The following THAP4 variants were observed in gnomAD, a reference collection of about 807,000 sequenced individuals.
THAP4 encodes peroxynitrite isomerase THAP4.
Under a neutral mutation model 48.1 loss-of-function variants are expected in THAP4, and 18 were observed. The ratio of observed to expected loss-of-function variants is 0.37; its 90% CI spans 0.26 to 0.56. The LOEUF (loss-of-function observed/expected upper bound fraction) is 0.56, where lower values mean the gene tolerates loss of function less well. Among genes scored for constraint, THAP4 ranks in the 20% least tolerant of loss-of-function variants. THAP4 has a pLI of 0.78. For missense variants in THAP4, 656 were observed against 774.9 expected, an observed-to-expected ratio of 0.85 and a Z score of 1.82; for synonymous variants, 345 against 324.9, an observed-to-expected ratio of 1.06 and a Z score of -0.66.
chr2:241,606,939 G>A (rs949205878), intron 2 of THAP4, among the ~76,000 whole-genome samples: 4 of 152,188 alleles, frequency 2.6e-5, no homozygotes, highest in African/African-American at 9.7e-5. Flanking sequence ...GGGAGGCACG[G>A]TGCCCTGGCG....
intron 5 of THAP4, among the ~76,000 whole-genome samples, chr2:241,592,443 G>A (rs149239219): frequency 2.9e-4 from 44 of 152,240 alleles, no homozygotes; most frequent in South Asian, 1.0e-3. Context: ...CTCAGTCACC[G>A]GACATGAGTG....
In THAP4 at chr2:241,610,495, CAA is replaced by C. The variant is rs1438479476; in HGVS notation, c.1241-4024_1241-4023del. On this transcript the variant is annotated intron_variant, in intron 2 of 5. Coordinates refer to ENST00000407315, the MANE Select transcript of THAP4 (RefSeq NM_015963.6). The surrounding 1 kb of genome is among the most constrained non-coding windows in gnomAD (Gnocchi z 4.2). ...CCTAGCAGGCGTCACAGGGCTCACT[CAA>C]GAGCTCCAGCAAGAGCAGAGGCGGG... Among the ~76,000 whole-genome samples the C allele has an allele frequency of 7.2e-5, 11 of 152,188 alleles. No homozygotes were observed. The highest frequency in any genetic ancestry group is 2.7e-4 in the African/African-American group (11 of 41,450).
chr2:241,613,145 C>T (rs994188049), intron 2 of THAP4, among the ~76,000 whole-genome samples: 5 of 152,054 alleles, frequency 3.3e-5, no homozygotes, highest in African/African-American at 1.2e-4. Flanking sequence ...GAGTTTTCAA[C>T]CCTTGGCACC....
intron 2 of THAP4, among the ~76,000 whole-genome samples, chr2:241,606,864 C>T (rs1405692080): frequency 6.6e-6 from 1 of 152,214 alleles, no homozygotes; most frequent in East Asian, 1.9e-4. Context: ...CTAACAGCTT[C>T]CTTGTGACCC....
At chr2:241,602,429 T>C (rs2067126954) in intron 4 of THAP4, among the ~76,000 whole-genome samples, 1 of 151,632 alleles carries the variant, frequency 6.6e-6, no homozygotes. Context: ...CAGTGGCGCA[T>C]TCTTGGCTCA....
intron 2 of THAP4, among the ~76,000 whole-genome samples, chr2:241,619,267 G>C (rs141185925): frequency 1.3e-5 from 2 of 152,308 alleles, no homozygotes; most frequent in East Asian, 3.9e-4. Context: ...ATTAAACACA[G>C]CCCGAGTGCC....
chr2:241,590,202 C>T (rs1392070903), intron 5 of THAP4, among the ~76,000 whole-genome samples: 1 of 138,688 alleles, frequency 7.2e-6, no homozygotes, highest in Admixed American at 7.5e-5. Flanking sequence ...GGCACTAGGA[C>T]ACACAGAGCT....
intron 2 of THAP4, among the ~76,000 whole-genome samples, chr2:241,619,658 A>G (rs1034627682): frequency 6.6e-5 from 10 of 152,176 alleles, no homozygotes; most frequent in Admixed American, 2.0e-4. Flanking sequence ...GCTCTGGGTG[A>G]GTTGGTGAGT....
In THAP4 at chr2:241,610,371, G is replaced by C. The variant is rs1316935823; in HGVS notation, c.1241-3898C>G. Among the ~76,000 whole-genome samples the C allele has an allele frequency of 6.6e-6, 1 of 152,186 alleles. No individual in the cohort carries two copies. The highest frequency in any genetic ancestry group is 1.5e-5 in the Non-Finnish European group (1 of 68,022). On this transcript the variant is annotated intron_variant, in intron 2 of 5. Transcript: ENST00000407315. The surrounding 1 kb of genome is among the most constrained non-coding windows in gnomAD (Gnocchi z 4.2). ...GGGCCGCGCTCGCCCCCCAGCGCCAGGGTCACGCCACCGCGCCCTGTTTGG... is the reference window on the plus strand; with the variant it reads ...GGGCCGCGCTCGCCCCCCAGCGCCACGGTCACGCCACCGCGCCCTGTTTGG...
At position 241,610,879 on chromosome 2, in the gene THAP4, G is replaced by A. The variant is rs2067264104; in HGVS notation, c.1241-4406C>T. Among the ~76,000 whole-genome samples, 1 of 151,896 alleles carries A rather than the reference G, an allele frequency of 6.6e-6. No individual in the cohort carries two copies. On this transcript the variant is annotated intron_variant, in intron 2 of 5. Transcript: ENST00000407315. The surrounding 1 kb of genome is among the most constrained non-coding windows in gnomAD (Gnocchi z 4.2). ...AGAGAGACACGGGGATGGGGCCAGA[G>A]ACGGGGCCAGAGACAGAGACACAGA... is the stretch of plus-strand genomic sequence containing the variant.
rs1263423258 is a variant in THAP4, at chr2:241,601,315, T to C, written c.1614+581A>G. On this transcript the variant is annotated intron_variant, in intron 5 of 5. Transcript: ENST00000407315. The surrounding 1 kb of genome is among the most constrained non-coding windows in gnomAD (Gnocchi z 4.0). The stretch of plus-strand genomic sequence containing the variant: ...TCCACAGAAAAACAGGCAAAGACTT[T>C]AAATATCAAGTGCACAGAATAAGAA... Among the ~76,000 whole-genome samples the C allele has an allele frequency of 6.6e-6, 1 of 152,108 alleles. No individual in the cohort carries two copies. The highest frequency in any genetic ancestry group is 1.5e-5 in the Non-Finnish European group (1 of 68,010).
rs1311349116 is a variant in THAP4, at chr2:241,616,449, C to T, written c.1241-9976G>A. Among the ~76,000 whole-genome samples, 1 of 152,126 alleles carries T rather than the reference C, an allele frequency of 6.6e-6. No individual in the cohort carries two copies. The highest frequency in any genetic ancestry group is 1.5e-5 in the Non-Finnish European group (1 of 68,036). ...CAGGGGGATGGTGTCCTGGTAAGAA[C>T]AGGTAGGGAGAGGCTGCCTCAAAAA... On this transcript the variant is annotated intron_variant, in intron 2 of 5. Coordinates refer to ENST00000407315, the MANE Select transcript of THAP4 (RefSeq NM_015963.6). The surrounding 1 kb of genome is among the most constrained non-coding windows in gnomAD (Gnocchi z 4.6).
chr2:241,598,507 C>T (rs1327592677), intron 5 of THAP4, among the ~76,000 whole-genome samples: 1 of 152,134 alleles, frequency 6.6e-6, no homozygotes. Flanking sequence ...GAACTGGTTT[C>T]ATGGAAGACA....
chr2:241,616,350 CGA>C lies in THAP4; in HGVS notation c.1241-9879_1241-9878del, dbSNP rs2067347604. 6.6e-6 allele frequency among the ~76,000 whole-genome samples: 1 copy of C among 152,136 alleles called. No homozygotes were observed. Among genetic ancestry groups the C allele is most frequent in the Non-Finnish European group, 1.5e-5 (1 of 68,032 alleles). ...AGTGAGAAGGGCGGGTGCAGGCGCA[CGA>C]GAGCTGAGGGCGAGCCCTGGCATCA... On this transcript the variant is annotated intron_variant, in intron 2 of 5. Transcript: ENST00000407315. This position sits in a 1 kb window ranked among gnomAD's most constrained non-coding sequence, Gnocchi z 4.6.
At position 241,610,068 on chromosome 2, in the gene THAP4, G is replaced by T. The variant is rs529652179; in HGVS notation, c.1241-3595C>A. On this transcript the variant is annotated intron_variant, in intron 2 of 5. Transcript: ENST00000407315. This position sits in a 1 kb window ranked among gnomAD's most constrained non-coding sequence, Gnocchi z 4.2. ...CCGAGTCCCCGGCACGGCCACCACC[G>T]GCCCCTGGGTCCCGAGGGCCCCGAG... Among the ~76,000 whole-genome samples, 92 of 152,292 alleles carry T rather than the reference G, an allele frequency of 6.0e-4. 4 individuals are homozygous for T. The South Asian group carries it at 0.018, about 31-fold the overall frequency.
intron 5 of THAP4, among the ~76,000 whole-genome samples, chr2:241,593,355 C>T (rs151270649): frequency 2.6e-5 from 4 of 152,234 alleles, no homozygotes; most frequent in South Asian, 2.1e-4. Flanking sequence ...TGAGGCCTCC[C>T]GGGTGAGGAC....
At chr2:241,586,083 G>A (rs1214847417) in intron 5 of THAP4, among the ~76,000 whole-genome samples, 5 of 150,926 alleles carry the variant, frequency 3.3e-5, no homozygotes, top group Non-Finnish European at 5.9e-5. Context: ...GTGAAACCCC[G>A]TCTCTACTAA....
intron 5 of THAP4, among the ~76,000 whole-genome samples, chr2:241,587,793 T>TA (rs1477359565): frequency 6.6e-6 from 1 of 152,066 alleles, no homozygotes; most frequent in South Asian, 2.1e-4. Flanking sequence ...CACATGCCTT[T>TA]AATCCCAGCT....
chr2:241,592,356 C>G, intron 5 of THAP4: 1 of 152,482 alleles, frequency 6.6e-6, no homozygotes, highest in East Asian at 1.9e-4. Flanking sequence ...GCCTGGGGAC[C>G]CCTCAGGCCC....
Sources: allele counts gnomAD v4.1 joint callset (sites outside exome capture counted in the v4.1 genomes callset), GRCh38; gene constraint gnomAD v4.1.1; non-coding constraint Gnocchi (gnomAD v3.1); transcripts MANE v1.5; gene names NCBI Gene and HGNC (gene_info 2026-07-23, HGNC 2026-07-21).